Variants in FAM193A observed in about 807,000 individuals in gnomAD.
FAM193A encodes the protein protein FAM193A.
In FAM193A, 22 loss-of-function variants were observed where a neutral mutation model predicts 126.5. The ratio of observed to expected loss-of-function variants is 0.17; its 90% CI spans 0.12 to 0.25. The LOEUF is 0.25. FAM193A is among the 10% of genes least tolerant of loss of function. The pLI is 1.00. For missense variants in FAM193A, 1,675 were observed against 1,672.8 expected (o/e 1.00, Z -0.02); for synonymous variants, 761 against 646.8 (o/e 1.18, Z -2.68).
chr4:2,670,727 T>C lies in FAM193A; in HGVS notation c.2080-1394T>C, dbSNP rs370705628. Among the ~76,000 whole-genome samples the C allele has an allele frequency of 2.6e-5, 4 of 152,322 alleles. No homozygotes were observed. In the East Asian group the frequency reaches 5.8e-4, roughly 22 times the overall value. ...TTCCCACCTCTGCCTCCCAAAGTGT[T>C]GGGATTACAGGTGTGAGCCACTGCG... On this transcript the variant is annotated intron_variant, in intron 12 of 20. Coordinates refer to ENST00000637812, the MANE Select transcript of FAM193A (RefSeq NM_001366318.2).
chr4:2,560,146 C>G (rs1311595560), intron 1 of FAM193A, among the ~76,000 whole-genome samples: 1 of 151,988 alleles, frequency 6.6e-6, no homozygotes, highest in Admixed American at 6.6e-5. Flanking sequence ...TTTCGCCATG[C>G]TGGCCAGGCT....
intron 1 of FAM193A, among the ~76,000 whole-genome samples, chr4:2,540,214 A>T (rs951011243): frequency 6.6e-6 from 1 of 152,182 alleles, no homozygotes; most frequent in South Asian, 2.1e-4. Flanking sequence ...TCACGCCTGT[A>T]ATCCCAGCAC....
intron 7 of FAM193A, chr4:2,654,490 T>G (rs1349035567): frequency 1.3e-5 from 2 of 151,204 alleles, no homozygotes; most frequent in African/African-American, 4.9e-5. Context: ...TGAAATTCAT[T>G]CTTTCTCTGT....
chr4:2,624,225 G>A (rs1396441451), intron 2 of FAM193A, among the ~76,000 whole-genome samples: 3 of 152,020 alleles, frequency 2.0e-5, no homozygotes, highest in Non-Finnish European at 2.9e-5. Context: ...TTCTCAGGCT[G>A]GAGTGCGGTG....
At chr4:2,705,112 G>A (rs7677403) in intron 19 of FAM193A, among the ~76,000 whole-genome samples, 8 of 152,060 alleles carry the variant, frequency 5.3e-5, no homozygotes, top group Admixed American at 2.0e-4. Flanking sequence ...GGGTTTCACC[G>A]TGTTAGCCGG....
rs34029424 is a variant in FAM193A, at chr4:2,728,896, C to CTTTTT, written c.4455-2857_4455-2853dup. On this transcript the variant is annotated intron_variant, in intron 20 of 20. Coordinates refer to ENST00000637812, the MANE Select transcript of FAM193A (RefSeq NM_001366318.2). ...AAGCAAATATGTTCCACCTCCAAAA[C>CTTTTT]TTTTTTTTTTTTTTTTTTTTTTTTT... 2.4e-3 allele frequency among the ~76,000 whole-genome samples: 229 copies of CTTTTT among 97,132 alleles called. 40 individuals are homozygous for CTTTTT. The highest frequency in any genetic ancestry group is 9.2e-3 in the African/African-American group (178 of 19,290). The allele number at this position is 97,132 out of a possible 152,430, so 63.7% of individuals were successfully genotyped here.
Position 2,625,360 on chromosome 4 carries a change from C to G in FAM193A, c.600C>G (p.Asp200Glu), listed in dbSNP as rs1742846529. 1 of 702,794 alleles carries G rather than the reference C, an allele frequency of 1.4e-6. No individual in the cohort carries two copies. Among genetic ancestry groups the G allele is most frequent in the African/African-American group, 1.7e-5 (1 of 57,268 alleles). The allele number at this position is 702,794 out of a possible 1,614,324, so 43.5% of individuals were successfully genotyped here. A position where few individuals can be genotyped will look rare whatever the true frequency, so the allele number is the denominator to read the frequency against. ...TGGGTGCACAGACGCTGCCTTCAGA[C>G]ACCGCATGCTCGTGCGAGGCCTGCA... ...LALGAQTLPSDTACSCEACSE... is the reference protein window; with the variant it reads ...LALGAQTLPSETACSCEACSE... Residue 200 changes from aspartate (D) to glutamate (E), a missense_variant, in exon 3 of 21, where the codon GAC (aspartate) becomes GAG (glutamate). This residue lies in a region of FAM193A where 1,186 missense variants were observed against 1,109.2 expected (regional missense o/e 1.07). Coordinates refer to ENST00000637812, the MANE Select transcript of FAM193A (RefSeq NM_001366318.2).
At chr4:2,721,940 CAT>C (rs1375928165) in intron 20 of FAM193A, among the ~76,000 whole-genome samples, 1 of 152,186 alleles carries the variant, frequency 6.6e-6, no homozygotes. Flanking sequence ...ACAGACATAA[CAT>C]TGAGTGAAAT....
intron 12 of FAM193A, among the ~76,000 whole-genome samples, chr4:2,670,114 CTG>C (rs2109151555): frequency 6.6e-6 from 1 of 152,272 alleles, no homozygotes; most frequent in East Asian, 1.9e-4. Context: ...CTCTGAGCGT[CTG>C]CATACTTTCC....
At chr4:2,570,579 C>G (rs1167635032) in intron 1 of FAM193A, among the ~76,000 whole-genome samples, 1 of 152,148 alleles carries the variant, frequency 6.6e-6, no homozygotes, top group Non-Finnish European at 1.5e-5. Context: ...GTAAAGGGCC[C>G]TCTAGCCTGC....
In FAM193A at chr4:2,724,426, T is replaced by C. The variant is rs1046094738; in HGVS notation, c.4455-7349T>C. Among the ~76,000 whole-genome samples, 15 of 152,232 alleles carry C rather than the reference T, an allele frequency of 9.9e-5. 1 individual carries two copies. The South Asian group carries it at 1.0e-3, about 10-fold the overall frequency. On this transcript the variant is annotated intron_variant, in intron 20 of 20. Transcript: ENST00000637812. ...CCAAAACACATCTTACTTTTTCTTA[T>C]GTATTTTATATGTAGAACTGTTTTC...
At chr4:2,730,669 G>A (rs757561978) in intron 20 of FAM193A, among the ~76,000 whole-genome samples, 13 of 151,204 alleles carry the variant, frequency 8.6e-5, no homozygotes, top group Non-Finnish European at 1.6e-4. Flanking sequence ...CAGCCTGGGC[G>A]ACAGAGCAAG....
chr4:2,577,909 C>T (rs1362615944), intron 1 of FAM193A, among the ~76,000 whole-genome samples: 1 of 152,090 alleles, frequency 6.6e-6, no homozygotes, highest in Non-Finnish European at 1.5e-5. Context: ...ACTGTATAAT[C>T]GTTTTCAGTT....
chr4:2,677,716 G>C (rs1714583133), intron 13 of FAM193A, among the ~76,000 whole-genome samples: 1 of 150,846 alleles, frequency 6.6e-6, no homozygotes, highest in Non-Finnish European at 1.5e-5. Context: ...ACTCCAGCCT[G>C]GGCAACAAGA....
chr4:2,634,971 TTC>T (rs1225018597), intron 5 of FAM193A, among the ~76,000 whole-genome samples: 1 of 152,204 alleles, frequency 6.6e-6, no homozygotes, highest in Non-Finnish European at 1.5e-5. Context: ...TTCTTCCACT[TTC>T]TCTTCCCTCT....
chr4:2,620,785 G>A (rs1302214220), intron 2 of FAM193A, among the ~76,000 whole-genome samples: 2 of 132,208 alleles, frequency 1.5e-5, no homozygotes, highest in East Asian at 2.3e-4. Context: ...GCAGTGAGCC[G>A]ATATCACAGC....
chr4:2,577,163 T>C (rs1739633895), intron 1 of FAM193A, among the ~76,000 whole-genome samples: 1 of 100,526 alleles, frequency 9.9e-6, no homozygotes, highest in South Asian at 3.3e-4. Flanking sequence ...CTACTTTTTT[T>C]CTTTTTTGAG....
At chr4:2,712,186 CTGTG>C (rs111716417) in intron 19 of FAM193A, among the ~76,000 whole-genome samples, 14 of 151,746 alleles carry the variant, frequency 9.2e-5, no homozygotes, top group Non-Finnish European at 1.3e-4. Context: ...ATAGAGTTCA[CTGTG>C]TGTGTGTGTA....
intron 1 of FAM193A, among the ~76,000 whole-genome samples, chr4:2,545,432 T>G (rs1357110796): frequency 3.3e-5 from 5 of 152,142 alleles, no homozygotes; most frequent in Non-Finnish European, 7.3e-5. Flanking sequence ...GTTGTGTTAA[T>G]ATTCCACAAT....
Sources: allele counts gnomAD v4.1 joint callset (sites outside exome capture counted in the v4.1 genomes callset), GRCh38; gene constraint gnomAD v4.1.1; regional missense constraint gnomAD v4.1.1; transcripts MANE v1.5; gene names NCBI Gene and HGNC (gene_info 2026-07-23, HGNC 2026-07-21).